DCHS1: variants seen among roughly 807,000 people sequenced by gnomAD.
DCHS1 encodes the protein protocadherin-16.
DCHS1 carries 78 observed loss-of-function variants against 213.9 expected under a neutral mutation model. That is an observed-to-expected ratio of 0.36 (90% CI 0.30 to 0.44). The LOEUF (loss-of-function observed/expected upper bound fraction) is 0.44, where lower values mean the gene tolerates loss of function less well. DCHS1 is among the 20% of genes least tolerant of loss of function. DCHS1 has a pLI of 1.00. For missense variants in DCHS1, 3,946 were observed against 4,395.9 expected, an observed-to-expected ratio of 0.90 and a Z score of 2.89; for synonymous variants, 1,828 against 1,873.7, an observed-to-expected ratio of 0.98 and a Z score of 0.63.
chr11:6,631,629 C>A lies in DCHS1; in HGVS notation c.3662G>T (p.Gly1221Val). 1 of 1,577,404 alleles carries A rather than the reference C, an allele frequency of 6.3e-7. No individual in the cohort carries two copies. Among genetic ancestry groups the A allele is most frequent in the South Asian group, 1.2e-5 (1 of 83,818 alleles). ...CACTTCACATACCTGTATAGGGAGG[C>A]CCCCACCAGCAGCTCCTGAAGCCTG... ...FLQASGAAGGGLPIQVPDRVP... is the reference protein window; with the variant it reads ...FLQASGAAGGVLPIQVPDRVP... Residue 1221 changes from glycine (G) to valine (V), a missense_variant, in exon 7 of 21, where the codon GGC becomes GTC. Gly to Val is a moderately radical substitution (Grantham distance 109). Transcript: ENST00000299441.
rs1856068802 is a variant in DCHS1, at chr11:6,641,245, A to G, written c.369T>C (p.Asp123=). The part of the protein sequence containing the change: ...DRYRFTAVTP[D]GATVEVTVRV... ...GCACTGTAACTTCTACGGTGGCACCATCAGGAGTGACTGCAGTGAAGCGGT... is the reference window on the plus strand; with the variant it reads ...GCACTGTAACTTCTACGGTGGCACCGTCAGGAGTGACTGCAGTGAAGCGGT... The change falls in exon 2 of 21, where the codon GAT becomes GAC. Residue 123 remains aspartate, a synonymous_variant. Coordinates refer to ENST00000299441, the MANE Select transcript of DCHS1 (RefSeq NM_003737.4). This position sits in a 1 kb window ranked among gnomAD's most constrained non-coding sequence, Gnocchi z 7.1. The G allele has an allele frequency of 1.9e-6, 3 of 1,613,740 alleles. No individual in the cohort carries two copies. The highest frequency in any genetic ancestry group is 2.5e-6 in the Non-Finnish European group (3 of 1,179,882).
chr11:6,645,936 C>T (rs1284948729), intron 1 of DCHS1, among the ~76,000 whole-genome samples: 1 of 152,170 alleles, frequency 6.6e-6, no homozygotes, highest in African/African-American at 2.4e-5. Context: ...ACAGCCAGTG[C>T]ACACACACAG....
intron 1 of DCHS1, among the ~76,000 whole-genome samples, chr11:6,650,233 A>C (rs1856223936): frequency 6.6e-6 from 1 of 152,208 alleles, no homozygotes; most frequent in African/African-American, 2.4e-5. Context: ...AAAAATAACA[A>C]GGACACTGCA....
chr11:6,622,996 C>A lies in DCHS1; in HGVS notation c.8680G>T (p.Ala2894Ser). 1 of 1,570,296 alleles carries A rather than the reference C, an allele frequency of 6.4e-7. No homozygotes were observed. The highest frequency in any genetic ancestry group is 1.9e-5 in the Admixed American group (1 of 53,604). The change falls in exon 21 of 21, where the codon GCA (alanine) becomes TCA (serine). Residue 2894 changes from alanine (A) to serine (S), a missense_variant. Around this residue, in one of 3 missense-constraint regions of DCHS1, gnomAD observed 554 missense variants for 590.2 expected, o/e 0.94. Transcript: ENST00000299441. This position sits in a 1 kb window ranked among gnomAD's most constrained non-coding sequence, Gnocchi z 5.4. Reference sequence around the variant, plus strand: ...ACCTCCAGCCTCAGCTCCCGTGGTGCTTCCCGCCGGGTCCGGCCCCCACCC... The same window carrying A: ...ACCTCCAGCCTCAGCTCCCGTGGTGATTCCCGCCGGGTCCGGCCCCCACCC... ...SGGGGRTRRE[A>S]PRELRLEVIA...
rs945285625 is a variant in DCHS1, at chr11:6,624,283, G to A, written c.7393C>T (p.Arg2465Ter). Residue 2465 changes from arginine to a stop codon, truncating the protein, a stop_gained, in exon 21 of 21, where the codon CGA becomes TGA. Coordinates refer to ENST00000299441, the MANE Select transcript of DCHS1 (RefSeq NM_003737.4). LOFTEE classifies it high-confidence loss of function. ...RDHGAPGRAA[R>*]ATVHVQLQDQ... ...TGCAGCTGCACGTGCACTGTGGCTC[G>A]TGCTGCCCGGCCTGGAGCCCCGTGG... The A allele has an allele frequency of 1.3e-6, 2 of 1,599,778 alleles. No individual in the cohort carries two copies. Among genetic ancestry groups the A allele is most frequent in the African/African-American group, 1.3e-5 (1 of 74,804 alleles).
Position 6,623,376 on chromosome 11 carries a change from A to C in DCHS1, c.8300T>G (p.Leu2767Trp). The change falls in exon 21 of 21, where the codon TTG (leucine) becomes TGG (tryptophan). Residue 2767 changes from leucine to tryptophan, a missense_variant. Leu to Trp is a moderately conservative substitution (Grantham distance 61). Around this residue, in one of 3 missense-constraint regions of DCHS1, gnomAD observed 3,384 missense variants for 3,780.1 expected, o/e 0.90. Transcript: ENST00000299441. Reference sequence around the variant, plus strand: ...ATAGTCAAAGGGCACTCGCGCACGCAACTCCCCTGTTGAGCTGTTCAGTGC... The same window carrying C: ...ATAGTCAAAGGGCACTCGCGCACGCCACTCCCCTGTTGAGCTGTTCAGTGC... ...AFALNSSTGELRARVPFDYEH... is the reference protein window; with the variant it reads ...AFALNSSTGEWRARVPFDYEH... The C allele has an allele frequency of 6.3e-7, 1 of 1,598,386 alleles. No homozygotes were observed. Among genetic ancestry groups the C allele is most frequent in the Non-Finnish European group, 8.5e-7 (1 of 1,172,454 alleles).
In DCHS1 at chr11:6,640,524, C is replaced by G. The variant is rs1175664124; in HGVS notation, c.1090G>C (p.Val364Leu). Residue 364 changes from valine (V) to leucine (L), a missense_variant, in exon 2 of 21, where the codon GTC (valine) becomes CTC (leucine). Physicochemically the swap from Val to Leu is conservative, Grantham distance 32 (BLOSUM62 1). Transcript: ENST00000299441. The surrounding 1 kb of genome is among the most constrained non-coding windows in gnomAD (Gnocchi z 6.5). ...DANDNQPSMT[V>L]IFLSADGSPQ... Reference sequence around the variant, plus strand: ...GAGCCATCTGCACTGAGAAAGATGACAGTCATGGAGGGCTGATTGTCATTG... The same window carrying G: ...GAGCCATCTGCACTGAGAAAGATGAGAGTCATGGAGGGCTGATTGTCATTG... The G allele has an allele frequency of 1.2e-6, 2 of 1,611,888 alleles. No homozygotes were observed. The highest frequency in any genetic ancestry group is 1.7e-6 in the Non-Finnish European group (2 of 1,179,892).
At position 6,623,463 on chromosome 11, in the gene DCHS1, A is replaced by G. The variant is rs1248217215; in HGVS notation, c.8213T>C (p.Phe2738Ser). ...CAACAGGCTGTAACGGAGCCTCCCA[A>G]AAGCCCCAGCATCCCCGTCGATTGC... The part of the protein sequence containing the change: ...LHAIDGDAGA[F>S]GRLRYSLLEA... Residue 2738 changes from phenylalanine (F) to serine (S), a missense_variant, in exon 21 of 21, where the codon TTT (phenylalanine) becomes TCT (serine). Physicochemically the swap from Phe to Ser is radical, Grantham distance 155. Transcript: ENST00000299441. 1 of 1,582,024 alleles carries G rather than the reference A, an allele frequency of 6.3e-7. No homozygotes were observed. Among genetic ancestry groups the G allele is most frequent in the Non-Finnish European group, 8.6e-7 (1 of 1,164,194 alleles).
At chr11:6,639,699 C>A (rs1002172193) in intron 2 of DCHS1, 118 bp downstream of exon 2, 4 of 868,546 alleles carry the variant, frequency 4.6e-6, no homozygotes, top group Non-Finnish European at 7.0e-6. Context: ...TAGGGCAGAA[C>A]CCTCTAGCAT....
rs368728632 is a variant in DCHS1 at position 6,631,697 on chromosome 11, A to G, written c.3594T>C (p.His1198=). 2.2e-5 allele frequency: 35 copies of G among 1,610,798 alleles called. No individual in the cohort carries two copies. Among genetic ancestry groups the G allele is most frequent in the Middle Eastern group, 1.6e-4 (1 of 6,066 alleles). The stretch of plus-strand genomic sequence containing the variant: ...TGTCGTTGAGGTCAAGCACTGCAAC[A>G]TGCACAGTGCCTGTGGTGCTGCGGG... The part of the protein sequence containing the change: ...SPPRSTTGTV[H]VAVLDLNDNS... Residue 1198 remains histidine, a synonymous_variant, in exon 7 of 21, where the codon CAT becomes CAC. Transcript: ENST00000299441.
chr11:6,641,167 G>T lies in DCHS1; in HGVS notation c.447C>A (p.Ala149=). 6.2e-7 allele frequency: 1 copy of T among 1,613,552 alleles called. No homozygotes were observed. Among genetic ancestry groups the T allele is most frequent in the Non-Finnish European group, 8.5e-7 (1 of 1,179,860 alleles). The part of the protein sequence containing the change: ...HAPAFPQARA[A]LQVPEHTAFG... ...AAGCTGTATGCTCAGGTACCTGCAGGGCAGCCCGAGCCTGTGGGAAGGCTG... is the reference window on the plus strand; with the variant it reads ...AAGCTGTATGCTCAGGTACCTGCAGTGCAGCCCGAGCCTGTGGGAAGGCTG... Residue 149 remains alanine (A), a synonymous_variant, in exon 2 of 21, where the codon GCC becomes GCA. Coordinates refer to ENST00000299441, the MANE Select transcript of DCHS1 (RefSeq NM_003737.4). This position sits in a 1 kb window ranked among gnomAD's most constrained non-coding sequence, Gnocchi z 7.1.
rs533198765 is a variant in DCHS1, at chr11:6,654,918, G to A, written c.-121+645C>T. 4.6e-5 allele frequency among the ~76,000 whole-genome samples: 7 copies of A among 152,046 alleles called. No homozygotes were observed. The South Asian group carries it at 1.0e-3, about 23-fold the overall frequency. On this transcript the variant is annotated intron_variant, in intron 1 of 20. Coordinates refer to ENST00000299441, the MANE Select transcript of DCHS1 (RefSeq NM_003737.4). ...GGTGACCTTGCTCTGTCCCCTGCAC[G>A]GGATTCTGAGCTGGGTATCCCAGAC...
rs200072309 is a variant in DCHS1, at chr11:6,626,797, G to A, written c.6242C>T (p.Ala2081Val). The A allele has an allele frequency of 2.7e-4, 430 of 1,611,336 alleles. 6 individuals are homozygous for A. The East Asian group carries it at 9.1e-3, about 34-fold the overall frequency. ...AATGGCTGGGGACCCACCTGGGGGC[G>A]CATTCTCACGAATCGTAGCCTCACT... ...ASSEATIREN[A>V]PPGTPIVSPR... is the part of the protein sequence containing the mutation. Residue 2081 changes from alanine to valine, a missense_variant, in exon 14 of 21, where the codon GCG becomes GTG. By Grantham distance (64) the Ala-to-Val change is moderately conservative. Around this residue, in one of 3 missense-constraint regions of DCHS1, gnomAD observed 3,384 missense variants for 3,780.1 expected, o/e 0.90. Coordinates refer to ENST00000299441, the MANE Select transcript of DCHS1 (RefSeq NM_003737.4). This position sits in a 1 kb window ranked among gnomAD's most constrained non-coding sequence, Gnocchi z 5.2.
At chr11:6,624,437 G>A in intron 20 of DCHS1, 47 bp from the exon 21 acceptor site, 1 of 1,495,726 alleles carries the variant, frequency 6.7e-7, no homozygotes, top group South Asian at 1.3e-5. Context: ...CAAAGGCTGT[G>A]AGTGAACAGA....
chr11:6,631,520 T>C (rs1855907503), intron 7 of DCHS1, 96 bp downstream of exon 7: 2 of 1,578,420 alleles, frequency 1.3e-6, no homozygotes, highest in Middle Eastern at 1.7e-4. Context: ...TCACACCCAA[T>C]CCAGGAGGCA....
rs1156892325 is a variant in DCHS1 at position 6,640,917 on chromosome 11, G to A, written c.697C>T (p.Pro233Ser). 1 of 1,614,048 alleles carries A rather than the reference G, an allele frequency of 6.2e-7. No homozygotes were observed. Among genetic ancestry groups the A allele is most frequent in the East Asian group, 2.2e-5 (1 of 44,886 alleles). ...LQLEAYDGGS[P>S]PRRAQALLDV... Reference sequence around the variant, plus strand: ...AGCAGGGCCTGGGCCCTCCGGGGGGGTGAACCACCATCATAGGCCTCCAGC... The same window carrying A: ...AGCAGGGCCTGGGCCCTCCGGGGGGATGAACCACCATCATAGGCCTCCAGC... The change falls in exon 2 of 21, where the codon CCC (proline) becomes TCC (serine). Residue 233 changes from proline to serine, a missense_variant. Pro to Ser is a moderately conservative substitution (Grantham distance 74). Around this residue, in one of 3 missense-constraint regions of DCHS1, gnomAD observed 3,384 missense variants for 3,780.1 expected, o/e 0.90. Coordinates refer to ENST00000299441, the MANE Select transcript of DCHS1 (RefSeq NM_003737.4). This position sits in a 1 kb window ranked among gnomAD's most constrained non-coding sequence, Gnocchi z 6.5.
rs1464759146 is a variant in DCHS1 at position 6,622,399 on chromosome 11, G to A, written c.9277C>T (p.Arg3093Ter). The A allele has an allele frequency of 6.4e-7, 1 of 1,556,126 alleles. No homozygotes were observed. Among genetic ancestry groups the A allele is most frequent in the African/African-American group, 1.4e-5 (1 of 73,656 alleles). The change falls in exon 21 of 21, where the codon CGA becomes TGA. Residue 3093 changes from arginine to a stop codon, truncating the protein, a stop_gained. Coordinates refer to ENST00000299441, the MANE Select transcript of DCHS1 (RefSeq NM_003737.4). LOFTEE classifies it high-confidence loss of function. The surrounding 1 kb of genome is among the most constrained non-coding windows in gnomAD (Gnocchi z 5.4). ...CCTGGCAGCAGCAGCCCTGCCTTTC[G>A]GCCCTTATACCAGGTGTCAGGGGCA... ...PPAPDTWYKGRKAGLLLPGAG... is the reference protein window; with the variant it reads ...PPAPDTWYKG
rs1324945221 is a variant in DCHS1 at position 6,631,427 on chromosome 11, C to G, written c.3676-20G>C. ...TGGTACCTGTGGGAACACAACTCAC[C>G]TAGTGAGTCTCTTTCCTGTTCTTCA... On this transcript the variant is annotated intron_variant, in intron 7 of 20. Coordinates refer to ENST00000299441, the MANE Select transcript of DCHS1 (RefSeq NM_003737.4). The G allele has an allele frequency of 6.2e-7, 1 of 1,611,446 alleles. No individual in the cohort carries two copies. Among genetic ancestry groups the G allele is most frequent in the East Asian group, 2.2e-5 (1 of 44,890 alleles).
chr11:6,640,536 G>A lies in DCHS1; in HGVS notation c.1078C>T (p.Pro360Ser), dbSNP rs1390522401. ...CTGAGAAAGATGACAGTCATGGAGG[G>A]CTGATTGTCATTGGCATCTCGCACA... ...VHVRDANDNQ[P>S]SMTVIFLSAD... Residue 360 changes from proline (P) to serine (S), a missense_variant, in exon 2 of 21, where the codon CCC (proline) becomes TCC (serine). Physicochemically the swap from Pro to Ser is moderately conservative, Grantham distance 74. Transcript: ENST00000299441. The surrounding 1 kb of genome is among the most constrained non-coding windows in gnomAD (Gnocchi z 6.5). The A allele has an allele frequency of 6.2e-7, 1 of 1,610,960 alleles. No individual in the cohort carries two copies. Among genetic ancestry groups the A allele is most frequent in the Non-Finnish European group, 8.5e-7 (1 of 1,179,872 alleles).
Sources: allele counts gnomAD v4.1 joint callset (sites outside exome capture counted in the v4.1 genomes callset), GRCh38; gene constraint gnomAD v4.1.1; regional missense constraint gnomAD v4.1.1; non-coding constraint Gnocchi (gnomAD v3.1); transcripts MANE v1.5; gene names NCBI Gene and HGNC (gene_info 2026-07-23, HGNC 2026-07-21).